Variants in B3GAT2 observed in about 807,000 individuals in gnomAD.
B3GAT2 encodes the protein beta-1,3-glucuronyltransferase 2.
B3GAT2 carries 26 observed loss-of-function variants against 27.8 expected under a neutral mutation model. The observed-to-expected ratio is 0.93, with a 90% CI of 0.68 to 1.30. The LOEUF is 1.30. B3GAT2 is among the 50% of genes most tolerant of loss of function. B3GAT2 has a pLI of 0.00. For synonymous variants in B3GAT2, 218 were observed against 195.1 expected, an observed-to-expected ratio of 1.12 and a Z score of -0.98; for missense variants, 458 against 459.0, an observed-to-expected ratio of 1.00 and a Z score of 0.02.
chr6:70,874,940 A>G (rs1476059719), intron 2 of B3GAT2, among the ~76,000 whole-genome samples: 3 of 151,998 alleles, frequency 2.0e-5, no homozygotes, highest in African/African-American at 7.2e-5. Context: ...AATGGAGAGA[A>G]GGGGATGGAA....
chr6:70,956,488 T>G lies in B3GAT2; in HGVS notation c.-59A>C. On this transcript the variant is annotated 5_prime_UTR_variant, in exon 1 of 4. Transcript: ENST00000230053. ...AGAGGGGCGAGCCGAGGGACCCCAGTGCGCAGCTTGGACAGCGGCGGCGCC... is the reference window on the plus strand; with the variant it reads ...AGAGGGGCGAGCCGAGGGACCCCAGGGCGCAGCTTGGACAGCGGCGGCGCC... 1.3e-6 allele frequency: 2 copies of G among 1,547,280 alleles called. No individual in the cohort carries two copies. Among genetic ancestry groups the G allele is most frequent in the South Asian group, 2.4e-5 (2 of 83,714 alleles).
At position 70,908,347 on chromosome 6, in the gene B3GAT2, T is replaced by C. The variant is rs188587538; in HGVS notation, c.592-14075A>G. ...TCCATCTTGGCCATCTTTGACTAAA[T>C]AGGCTCTTTGAACAGTAGGACTGAA... On this transcript the variant is annotated intron_variant, in intron 1 of 3. Coordinates refer to ENST00000230053, the MANE Select transcript of B3GAT2 (RefSeq NM_080742.3). 4.6e-5 allele frequency among the ~76,000 whole-genome samples: 7 copies of C among 152,314 alleles called. No individual in the cohort carries two copies. In the East Asian group the frequency reaches 5.8e-4, roughly 13 times the overall value.
rs1771438783 is a variant in B3GAT2 at position 70,856,694 on chromosome 6, T to A, written c.*4969A>T. The stretch of plus-strand genomic sequence containing the variant: ...AGTACTGTCTTGATTGTAGATGTTT[T>A]TATATGGGCTTGGGCTTGTAAGTGA... On this transcript the variant is annotated 3_prime_UTR_variant, in exon 4 of 4. Coordinates refer to ENST00000230053, the MANE Select transcript of B3GAT2 (RefSeq NM_080742.3). 1 of 566,112 alleles carries A rather than the reference T, an allele frequency of 1.8e-6. No individual in the cohort carries two copies. 35.1% of individuals were successfully genotyped at this position (566,112 alleles called of 1,614,324 possible). A position where few individuals can be genotyped will look rare whatever the true frequency, so the allele number is the denominator to read the frequency against.
chr6:70,869,296 G>C (rs933460095), intron 2 of B3GAT2, among the ~76,000 whole-genome samples: 1 of 152,116 alleles, frequency 6.6e-6, no homozygotes, highest in Admixed American at 6.6e-5. Flanking sequence ...ACTATAAGGT[G>C]CATGTCGCTC....
Position 70,861,950 on chromosome 6 carries a change from C to CA in B3GAT2, c.764dup (p.Leu255PhefsTer9), listed in dbSNP as rs1771752961. Reference sequence around the variant, plus strand: ...GCTTAAATACAGCTTTTGGATTGGACAAAATGACTTGAAGACTTACAGCAA... The same window carrying CA: ...GCTTAAATACAGCTTTTGGATTGGACAAAAATGACTTGAAGACTTACAGCAA... On this transcript the variant is annotated frameshift_variant, in exon 3 of 4. Coordinates refer to ENST00000230053, the MANE Select transcript of B3GAT2 (RefSeq NM_080742.3). LOFTEE classifies it high-confidence loss of function. The CA allele has an allele frequency of 6.2e-7, 1 of 1,607,398 alleles. No individual in the cohort carries two copies. The highest frequency in any genetic ancestry group is 1.4e-5 in the African/African-American group (1 of 74,020).
At chr6:70,906,269 C>T (rs964154) in intron 1 of B3GAT2, among the ~76,000 whole-genome samples, 1 of 152,126 alleles carries the variant, frequency 6.6e-6, no homozygotes, top group Admixed American at 6.5e-5. Flanking sequence ...AGGTACTATT[C>T]CAGCACATTA....
chr6:70,891,020 G>A (rs1188670485), intron 2 of B3GAT2, among the ~76,000 whole-genome samples: 4 of 152,218 alleles, frequency 2.6e-5, no homozygotes, highest in African/African-American at 7.2e-5. Context: ...TCAAGCAGTC[G>A]TTCTTACTGA....
At position 70,956,681 on chromosome 6, in the gene B3GAT2, A is replaced by G. The variant is rs1338971010; in HGVS notation, c.-252T>C. On this transcript the variant is annotated 5_prime_UTR_variant, in exon 1 of 4. Coordinates refer to ENST00000230053, the MANE Select transcript of B3GAT2 (RefSeq NM_080742.3). ...CAGGGGCTGCCCCCGACTCCAGGTG[A>G]GCTGGCGGGAAGCGGGACTCGGTCC... 3.0e-6 allele frequency: 4 copies of G among 1,350,906 alleles called. No homozygotes were observed. The highest frequency in any genetic ancestry group is 3.8e-6 in the Non-Finnish European group (4 of 1,053,052). The allele number at this position is 1,350,906 out of a possible 1,614,324, so 83.7% of individuals were successfully genotyped here.
rs572555602 is a variant in B3GAT2 at position 70,914,753 on chromosome 6, T to A, written c.592-20481A>T. 1.9e-4 allele frequency among the ~76,000 whole-genome samples: 22 copies of A among 118,588 alleles called. No individual in the cohort carries two copies. The East Asian group carries it at 6.4e-3, about 35-fold the overall frequency. The allele number at this position is 118,588 out of a possible 152,430, so 77.8% of individuals were successfully genotyped here. On this transcript the variant is annotated intron_variant, in intron 1 of 3. Transcript: ENST00000230053. ...TGATCCTAATCCAAATCCATAAAAT[T>A]GAATAACTTTTTTTTTAACCAGACA...
chr6:70,934,236 A>G (rs1382340555), intron 1 of B3GAT2, among the ~76,000 whole-genome samples: 2 of 152,196 alleles, frequency 1.3e-5, no homozygotes, highest in Admixed American at 6.5e-5. Context: ...AATGCAGATA[A>G]CTTTAAGTTA....
intron 2 of B3GAT2, among the ~76,000 whole-genome samples, chr6:70,893,708 T>C (rs1562220917): frequency 6.6e-6 from 1 of 152,172 alleles, no homozygotes; most frequent in Non-Finnish European, 1.5e-5. Context: ...TCAATTTTTA[T>C]ATCATTGTTA....
intron 1 of B3GAT2, among the ~76,000 whole-genome samples, chr6:70,947,915 G>C (rs1765518800): frequency 6.6e-6 from 1 of 152,162 alleles, no homozygotes; most frequent in South Asian, 2.1e-4. Context: ...GGGATGCAAG[G>C]CTGGTTCAAT....
intron 1 of B3GAT2, among the ~76,000 whole-genome samples, chr6:70,928,434 C>T (rs1053001775): frequency 6.6e-5 from 10 of 150,818 alleles, no homozygotes; most frequent in African/African-American, 2.4e-4. Flanking sequence ...AATTGATAGA[C>T]CACTAGCAGA....
Position 70,956,694 on chromosome 6 carries a change from C to A in B3GAT2, c.-265G>T. 2.2e-6 allele frequency: 3 copies of A among 1,370,200 alleles called. No individual in the cohort carries two copies. The South Asian group carries it at 4.7e-5, about 21-fold the overall frequency. 84.9% of individuals were successfully genotyped at this position (1,370,200 alleles called of 1,614,324 possible). ...CGACTCCAGGTGAGCTGGCGGGAAGCGGGACTCGGTCCAGCCGCGCGCCGC... is the reference window on the plus strand; with the variant it reads ...CGACTCCAGGTGAGCTGGCGGGAAGAGGGACTCGGTCCAGCCGCGCGCCGC... On this transcript the variant is annotated 5_prime_UTR_variant, in exon 1 of 4. Coordinates refer to ENST00000230053, the MANE Select transcript of B3GAT2 (RefSeq NM_080742.3).
intron 1 of B3GAT2, 150 bp downstream of exon 1, chr6:70,955,689 G>A: frequency 1.1e-6 from 1 of 941,468 alleles, no homozygotes; most frequent in Non-Finnish European, 1.5e-6. Context: ...TGCCAGCAAG[G>A]AGCGGCTCCA....
At position 70,862,002 on chromosome 6, in the gene B3GAT2, A is replaced by G. The variant is rs202160619; in HGVS notation, c.737-24T>C. On this transcript the variant is annotated intron_variant, in intron 2 of 3. Transcript: ENST00000230053. ...TCCTTTGTGAAAAATAAAAAAAAAA[A>G]AGAGACTTTAAAATCCTGGTGTACT... 2.4e-4 allele frequency: 378 copies of G among 1,559,928 alleles called. 1 individual carries two copies. The highest frequency in any genetic ancestry group is 1.6e-3 in the East Asian group (70 of 44,262).
rs1055854349 is a variant in B3GAT2, at chr6:70,860,585, G to GA, written c.*1077dup. The GA allele has an allele frequency of 7.0e-6, 3 of 431,354 alleles. No homozygotes were observed. The highest frequency in any genetic ancestry group is 4.1e-5 in the African/African-American group (2 of 49,228). 26.7% of individuals were successfully genotyped at this position (431,354 alleles called of 1,614,324 possible). ...TGATTTCATGTACTGCATTATTTGAGAAGCTGCTCAACTTGCAAAATCAGT... is the reference window on the plus strand; with the variant it reads ...TGATTTCATGTACTGCATTATTTGAGAAAGCTGCTCAACTTGCAAAATCAGT... On this transcript the variant is annotated 3_prime_UTR_variant, in exon 4 of 4. Coordinates refer to ENST00000230053, the MANE Select transcript of B3GAT2 (RefSeq NM_080742.3).
At chr6:70,901,702 T>G (rs1772502162) in intron 1 of B3GAT2, among the ~76,000 whole-genome samples, 1 of 152,246 alleles carries the variant, frequency 6.6e-6, no homozygotes, top group Admixed American at 6.5e-5. Flanking sequence ...ATGCTGAGTC[T>G]GCATGCCAAT....
intron 1 of B3GAT2, among the ~76,000 whole-genome samples, chr6:70,901,347 C>G (rs1304310234): frequency 6.6e-6 from 1 of 152,124 alleles, no homozygotes; most frequent in African/African-American, 2.4e-5. Flanking sequence ...TAATGCCATT[C>G]TCTTATAAAA....
Sources: gnomAD v4.1 joint callset for allele counts (sites outside exome capture counted in the v4.1 genomes callset) on GRCh38, gnomAD v4.1.1 for gene constraint, MANE v1.5 for transcripts, NCBI Gene and HGNC (gene_info 2026-07-23, HGNC 2026-07-21) for gene names.